The following KMT2C variants were observed in gnomAD, a reference collection of about 807,000 sequenced individuals.
KMT2C encodes lysine methyltransferase 2C.
KMT2C carries 88 observed loss-of-function variants against 507.9 expected under a neutral mutation model. The ratio of observed to expected loss-of-function variants is 0.17; its 90% CI spans 0.15 to 0.21. The LOEUF (loss-of-function observed/expected upper bound fraction) is 0.21. Ranked by LOEUF, KMT2C falls within the 10% of genes least tolerant of loss-of-function variation. The probability of loss-of-function intolerance (pLI) is 1.00; values close to 1 mark genes in which losing one functional copy is unlikely to be tolerated. For synonymous variants in KMT2C, 2,049 were observed against 2,080.8 expected, an observed-to-expected ratio of 0.98 and a Z score of 0.42; for missense variants, 4,954 against 5,957.8, an observed-to-expected ratio of 0.83 and a Z score of 5.55.
intron 6 of KMT2C, among the ~76,000 whole-genome samples, chr7:152,292,247 C>T (rs941463583): frequency 5.9e-5 from 9 of 152,096 alleles, no homozygotes; most frequent in Non-Finnish European, 1.0e-4. Flanking sequence ...CCACTTTTCT[C>T]CTTTTCTTGT....
rs537682292 is a variant in KMT2C at position 152,428,930 on chromosome 7, A to G, written c.161+6696T>C. 2.6e-5 allele frequency among the ~76,000 whole-genome samples: 4 copies of G among 152,276 alleles called. No homozygotes were observed. In the East Asian group the frequency reaches 7.7e-4, roughly 29 times the overall value. The stretch of plus-strand genomic sequence containing the variant: ...GGACTACAGGATAAAGCCCAAACTC[A>G]TGAGTCTGGCATTCAAGAACTATCA... On this transcript the variant is annotated intron_variant, in intron 1 of 58. Coordinates refer to ENST00000262189, the MANE Select transcript of KMT2C (RefSeq NM_170606.3).
intron 23 of KMT2C, among the ~76,000 whole-genome samples, chr7:152,210,088 T>C (rs1382506862): frequency 1.3e-5 from 2 of 152,020 alleles, no homozygotes; most frequent in Admixed American, 6.5e-5. Context: ...GCATACTAAA[T>C]GTGGACAACC....
intron 31 of KMT2C, among the ~76,000 whole-genome samples, chr7:152,193,768 G>C (rs897208587): frequency 6.6e-6 from 1 of 152,206 alleles, no homozygotes; most frequent in East Asian, 1.9e-4. Context: ...GGAGGGAAGA[G>C]GGCAGGCACT....
At chr7:152,406,577 G>A (rs1242856439) in intron 1 of KMT2C, among the ~76,000 whole-genome samples, 7 of 151,318 alleles carry the variant, frequency 4.6e-5, no homozygotes, top group South Asian at 2.2e-4. Flanking sequence ...GAGTGCAGTA[G>A]TACAATCATG....
chr7:152,336,294 T>C (rs2096935043), intron 2 of KMT2C, among the ~76,000 whole-genome samples: 1 of 152,234 alleles, frequency 6.6e-6, no homozygotes, highest in African/African-American at 2.4e-5. Flanking sequence ...TTTGGTAGAC[T>C]ATGTTAGATC....
At chr7:152,426,229 A>G (rs1169595155) in intron 1 of KMT2C, among the ~76,000 whole-genome samples, 2 of 135,014 alleles carry the variant, frequency 1.5e-5, no homozygotes, top group Non-Finnish European at 3.1e-5. Flanking sequence ...TTTATGTCAT[A>G]GTTTTTTTTT....
chr7:152,400,126 C>G (rs2097563402), intron 1 of KMT2C, among the ~76,000 whole-genome samples: 1 of 145,608 alleles, frequency 6.9e-6, no homozygotes, highest in African/African-American at 2.7e-5. Context: ...GGCTAACAAA[C>G]ACGGTGAAAC....
In KMT2C at chr7:152,194,265, GAATAA is replaced by G. The variant is rs1554516881; in HGVS notation, c.4508-9_4508-5del. 1 of 1,442,880 alleles carries G rather than the reference GAATAA, an allele frequency of 6.9e-7. No individual in the cohort carries two copies. The highest frequency in any genetic ancestry group is 9.4e-7 in the Non-Finnish European group (1 of 1,062,880). 89.4% of individuals were successfully genotyped at this position (1,442,880 alleles called of 1,614,324 possible). On this transcript the variant is annotated splice_polypyrimidine_tract_variant and splice_region_variant and intron_variant, in intron 29 of 58. Transcript: ENST00000262189. ...TATAATTTTCCAAGAATTGCTCCTA[GAATAA>G]ATTAAAAAAAAAAAAGAAACATTAA...
chr7:152,161,828 G>A (rs971462180), intron 43 of KMT2C, among the ~76,000 whole-genome samples: 2 of 152,140 alleles, frequency 1.3e-5, no homozygotes, highest in African/African-American at 4.8e-5. Context: ...CTTTGCTTTA[G>A]TCATATCAAC....
At chr7:152,157,911 G>A (rs942227112) in intron 44 of KMT2C, 50 of 1,333,080 alleles carry the variant, frequency 3.8e-5, no homozygotes, top group Non-Finnish European at 4.6e-5. Context: ...CCATTAGAGG[G>A]AGCAGAGAGA....
At chr7:152,218,393 A>C (rs2094646210) in intron 23 of KMT2C, among the ~76,000 whole-genome samples, 1 of 152,034 alleles carries the variant, frequency 6.6e-6, no homozygotes, top group Non-Finnish European at 1.5e-5. Context: ...TGATCGCCTG[A>C]CCTCAGGTGA....
intron 14 of KMT2C, among the ~76,000 whole-genome samples, chr7:152,245,484 C>A (rs2095456877): frequency 6.6e-6 from 1 of 151,864 alleles, no homozygotes; most frequent in African/African-American, 2.4e-5. Flanking sequence ...ATTTATTTCA[C>A]CTGTTTTTGT....
intron 1 of KMT2C, among the ~76,000 whole-genome samples, chr7:152,360,811 T>C (rs1183725987): frequency 2.7e-5 from 4 of 150,178 alleles, no homozygotes; most frequent in African/African-American, 7.4e-5. Flanking sequence ...ATTGCACCAC[T>C]GCACTCCAGC....
At chr7:152,281,500 G>C (rs1386572553) in intron 6 of KMT2C, among the ~76,000 whole-genome samples, 1 of 152,182 alleles carries the variant, frequency 6.6e-6, no homozygotes, top group Admixed American at 6.5e-5. Context: ...GGAAGGCAGA[G>C]GTAGGTGGAT....
At chr7:152,288,184 G>A (rs1301848002) in intron 6 of KMT2C, among the ~76,000 whole-genome samples, 2 of 150,074 alleles carry the variant, frequency 1.3e-5, no homozygotes, top group Admixed American at 6.6e-5. Flanking sequence ...ACAACAAAAT[G>A]GGAGAGATTA....
At chr7:152,147,233 A>C (rs1035212246) in intron 52 of KMT2C, among the ~76,000 whole-genome samples, 6 of 152,214 alleles carry the variant, frequency 3.9e-5, no homozygotes, top group Non-Finnish European at 7.3e-5. Flanking sequence ...CATAAGCAAA[A>C]GTGACAATCT....
At chr7:152,233,242 T>C (rs2095176292) in intron 16 of KMT2C, among the ~76,000 whole-genome samples, 1 of 152,206 alleles carries the variant, frequency 6.6e-6, no homozygotes, top group Non-Finnish European at 1.5e-5. Flanking sequence ...TCATGACCGT[T>C]AGACTGCTAG....
At chr7:152,201,354 CA>C (rs2094135775) in intron 26 of KMT2C, among the ~76,000 whole-genome samples, 1 of 150,632 alleles carries the variant, frequency 6.6e-6, no homozygotes, top group Non-Finnish European at 1.5e-5. Flanking sequence ...TGATGTGCAA[CA>C]GGGGAACAAG....
intron 53 of KMT2C, 84 bp from the exon 54 acceptor site, chr7:152,145,379 G>T: frequency 7.3e-7 from 1 of 1,367,878 alleles, no homozygotes; most frequent in Non-Finnish European, 1.0e-6. Context: ...GATGGCCCAC[G>T]ACAGAAATAA....
Sources: gnomAD v4.1 joint callset for allele counts (sites outside exome capture counted in the v4.1 genomes callset) on GRCh38, gnomAD v4.1.1 for gene constraint, MANE v1.5 for transcripts, NCBI Gene and HGNC (gene_info 2026-07-23, HGNC 2026-07-21) for gene names.